Variants in ACOXL observed in about 807,000 individuals in gnomAD.
The protein encoded by ACOXL is acyl-CoA oxidase like, also known as acyl-coenzyme A oxidase-like protein.
A neutral mutation model predicts 71.9 loss-of-function variants in ACOXL; 70 were observed. That is an observed-to-expected ratio of 0.97 (90% CI 0.80 to 1.19). The LOEUF is 1.19. Among genes scored for constraint, ACOXL ranks in the 50% most tolerant of loss-of-function variants. ACOXL has a pLI of 0.00. For synonymous variants in ACOXL, 253 were observed against 281.6 expected, an observed-to-expected ratio of 0.90 and a Z score of 1.02; for missense variants, 703 against 736.3, an observed-to-expected ratio of 0.95 and a Z score of 0.52.
chr2:110,814,115 A>G (rs886980413), intron 9 of ACOXL, among the ~76,000 whole-genome samples: 1 of 152,338 alleles, frequency 6.6e-6, no homozygotes, highest in African/African-American at 2.4e-5. Flanking sequence ...ACCAAACCAA[A>G]TATTTAAAAA....
At chr2:111,078,745 T>A (rs2149963486) in intron 16 of ACOXL, among the ~76,000 whole-genome samples, 1 of 152,374 alleles carries the variant, frequency 6.6e-6, no homozygotes, top group South Asian at 2.1e-4. Context: ...GCTACATTTC[T>A]CTTCTCCTTC....
chr2:110,905,867 T>C (rs1025913349), intron 10 of ACOXL, among the ~76,000 whole-genome samples: 2 of 152,162 alleles, frequency 1.3e-5, no homozygotes, highest in African/African-American at 4.8e-5. Flanking sequence ...AGCAGTGGAT[T>C]AGGAGAACAT....
chr2:110,957,441 A>G lies in ACOXL; in HGVS notation c.1059+23799A>G, dbSNP rs549059940. Among the ~76,000 whole-genome samples the G allele has an allele frequency of 7.2e-5, 11 of 152,314 alleles. No homozygotes were observed. The South Asian group carries it at 1.9e-3, about 26-fold the overall frequency. The stretch of plus-strand genomic sequence containing the variant: ...GCTGTATTTGTCTGTGCTGGCTGCT[A>G]TACGAAGTGCCATAGACTGGGTGGA... On this transcript the variant is annotated intron_variant, in intron 12 of 17. Coordinates refer to ENST00000439055, the MANE Select transcript of ACOXL (RefSeq NM_001142807.4).
At chr2:110,831,261 T>C (rs1689794136) in intron 9 of ACOXL, among the ~76,000 whole-genome samples, 1 of 152,222 alleles carries the variant, frequency 6.6e-6, no homozygotes, top group South Asian at 2.1e-4. Context: ...CCCACACACT[T>C]ACCTCCTAGA....
rs529992241 is a variant in ACOXL at position 110,814,610 on chromosome 2, A to G, written c.753+9215A>G. On this transcript the variant is annotated intron_variant, in intron 9 of 17. Transcript: ENST00000439055. ...GAAGGGAAGCAAAATAATGGTTAGT[A>G]GAATATTTGTGGGTTATAACTTTAT... Among the ~76,000 whole-genome samples, 46 of 152,312 alleles carry G rather than the reference A, an allele frequency of 3.0e-4. 2 individuals carry two copies. The South Asian group carries it at 9.1e-3, about 30-fold the overall frequency.
chr2:110,744,069 C>T (rs1162463515), intron 1 of ACOXL, among the ~76,000 whole-genome samples: 2 of 152,118 alleles, frequency 1.3e-5, no homozygotes, highest in African/African-American at 4.8e-5. Flanking sequence ...CTAGTTGTGC[C>T]CTGTCTGCAG....
intron 10 of ACOXL, 44 bp from the exon 11 acceptor site, chr2:110,908,745 G>C: frequency 6.7e-7 from 1 of 1,497,324 alleles, no homozygotes; most frequent in Non-Finnish European, 9.3e-7. Context: ...GTTACCTCCC[G>C]CTCCTGGATT....
chr2:110,870,313 G>C (rs564565269), intron 10 of ACOXL, among the ~76,000 whole-genome samples: 8 of 151,616 alleles, frequency 5.3e-5, no homozygotes, highest in African/African-American at 7.3e-5. Flanking sequence ...TAGTGCCATC[G>C]ACTTCCTTTT....
chr2:110,779,796 C>G (rs2105115351), intron 2 of ACOXL, among the ~76,000 whole-genome samples: 1 of 152,306 alleles, frequency 6.6e-6, no homozygotes, highest in East Asian at 1.9e-4. Context: ...TCATGCTACA[C>G]ACAAAACTAA....
chr2:110,777,947 C>T (rs963899978), intron 2 of ACOXL, among the ~76,000 whole-genome samples: 4 of 152,232 alleles, frequency 2.6e-5, no homozygotes, highest in Non-Finnish European at 5.9e-5. Context: ...TGCCACAAGA[C>T]AAAGCTGGTC....
At chr2:110,856,487 T>C (rs1459879610) in intron 10 of ACOXL, among the ~76,000 whole-genome samples, 1 of 152,210 alleles carries the variant, frequency 6.6e-6, no homozygotes, top group Non-Finnish European at 1.5e-5. Flanking sequence ...AAGTGTTTCC[T>C]TTAGGTAAAA....
intron 2 of ACOXL, among the ~76,000 whole-genome samples, chr2:110,783,852 T>A (rs907556785): frequency 1.3e-5 from 2 of 152,198 alleles, no homozygotes; most frequent in African/African-American, 4.8e-5. Flanking sequence ...CAAGGGCCTA[T>A]CACCTTCTAA....
At chr2:111,040,148 C>T (rs954585626) in intron 15 of ACOXL, among the ~76,000 whole-genome samples, 3 of 152,176 alleles carry the variant, frequency 2.0e-5, no homozygotes, top group African/African-American at 4.8e-5. Context: ...TGCCTAAGGT[C>T]GCAGCTGCTC....
chr2:111,020,180 C>T (rs2064680005), intron 14 of ACOXL, among the ~76,000 whole-genome samples: 2 of 152,188 alleles, frequency 1.3e-5, no homozygotes, highest in South Asian at 4.1e-4. Context: ...CTTTTCTGCT[C>T]CCACCTGGTG....
chr2:110,875,837 G>T (rs1221672515), intron 10 of ACOXL, among the ~76,000 whole-genome samples: 1 of 152,094 alleles, frequency 6.6e-6, no homozygotes. Flanking sequence ...AAAGGCATTT[G>T]TAACCTCTAC....
chr2:110,768,231 A>G, intron 1 of ACOXL, 137 bp from the exon 2 acceptor site: 1 of 629,430 alleles, frequency 1.6e-6, no homozygotes, highest in Non-Finnish European at 2.8e-6. Flanking sequence ...AGTCTGTGTG[A>G]CACACACAGT....
chr2:110,996,959 T>C (rs1169426251), intron 14 of ACOXL, among the ~76,000 whole-genome samples: 2 of 152,174 alleles, frequency 1.3e-5, no homozygotes, highest in East Asian at 1.9e-4. Flanking sequence ...AAATCAATTT[T>C]TCCCCCAGGC....
intron 12 of ACOXL, among the ~76,000 whole-genome samples, chr2:110,982,563 G>A (rs1410649841): frequency 6.6e-6 from 1 of 152,198 alleles, no homozygotes; most frequent in Non-Finnish European, 1.5e-5. Context: ...TAAAATGCAT[G>A]ATGGTGGAAA....
intron 1 of ACOXL, among the ~76,000 whole-genome samples, chr2:110,739,283 G>A (rs1677224909): frequency 6.6e-6 from 1 of 152,120 alleles, no homozygotes; most frequent in African/African-American, 2.4e-5. Context: ...TTTAGGACAG[G>A]GTTAATTCCT....
Sources: allele counts gnomAD v4.1 joint callset (sites outside exome capture counted in the v4.1 genomes callset), GRCh38; gene constraint gnomAD v4.1.1; transcripts MANE v1.5; gene names NCBI Gene and HGNC (gene_info 2026-07-23, HGNC 2026-07-21).